The following CARMIL1 variants were observed in gnomAD, a reference collection of about 807,000 sequenced individuals.
CARMIL1 encodes F-actin-uncapping protein LRRC16A.
In CARMIL1, 90 loss-of-function variants were observed where a neutral mutation model predicts 177.1. The ratio of observed to expected loss-of-function variants is 0.51; its 90% CI spans 0.43 to 0.61. The LOEUF is 0.61. CARMIL1 is among the 20% of genes least tolerant of loss of function. The pLI is 0.00. For synonymous variants in CARMIL1, 577 were observed against 606.2 expected (o/e 0.95, Z 0.71); for missense variants, 1,380 against 1,667.0 (o/e 0.83, Z 3.00).
chr6:25,611,487 G>A (rs185470450), intron 36 of CARMIL1, among the ~76,000 whole-genome samples: 60 of 152,264 alleles, frequency 3.9e-4, no homozygotes, highest in African/African-American at 1.4e-3. Context: ...CACCAAGTGC[G>A]TCTCCCATTC....
chr6:25,366,458 C>A (rs1789811332), intron 2 of CARMIL1, among the ~76,000 whole-genome samples: 1 of 151,898 alleles, frequency 6.6e-6, no homozygotes, highest in African/African-American at 2.4e-5. Flanking sequence ...CACCCTCACC[C>A]CATTCTGCTT....
chr6:25,468,373 A>G (rs1008724427), intron 9 of CARMIL1, among the ~76,000 whole-genome samples: 1 of 152,174 alleles, frequency 6.6e-6, no homozygotes, highest in Non-Finnish European at 1.5e-5. Flanking sequence ...TGCTGGCACC[A>G]GATAATGTAT....
intron 36 of CARMIL1, among the ~76,000 whole-genome samples, chr6:25,617,577 G>A (rs1399561494): frequency 1.3e-5 from 2 of 152,228 alleles, no homozygotes; most frequent in East Asian, 3.9e-4. Flanking sequence ...GTTTTAAAAC[G>A]ATGAAAAATA....
intron 2 of CARMIL1, among the ~76,000 whole-genome samples, chr6:25,389,428 G>C (rs1792522151): frequency 6.6e-6 from 1 of 152,122 alleles, no homozygotes; most frequent in African/African-American, 2.4e-5. Context: ...CTATCCTCCT[G>C]CCTCAGCCTC....
intron 2 of CARMIL1, among the ~76,000 whole-genome samples, chr6:25,362,957 C>T (rs565000868): frequency 2.6e-5 from 4 of 152,246 alleles, no homozygotes; most frequent in Admixed American, 1.3e-4. Context: ...ATTGTCTGAA[C>T]CTGGGAGGCG....
chr6:25,425,982 T>G (rs1037058764), intron 3 of CARMIL1, among the ~76,000 whole-genome samples: 1 of 152,080 alleles, frequency 6.6e-6, no homozygotes, highest in Non-Finnish European at 1.5e-5. Context: ...AGCTGAAGGT[T>G]TAGAAAGAAG....
At chr6:25,356,011 A>G (rs1367332211) in intron 2 of CARMIL1, among the ~76,000 whole-genome samples, 2 of 151,456 alleles carry the variant, frequency 1.3e-5, no homozygotes, top group Non-Finnish European at 2.9e-5. Flanking sequence ...AGTACAAGAA[A>G]GAGGTTTCTT....
chr6:25,519,401 T>C (rs1305669422), intron 22 of CARMIL1, among the ~76,000 whole-genome samples: 1 of 152,170 alleles, frequency 6.6e-6, no homozygotes, highest in Non-Finnish European at 1.5e-5. Context: ...GAGCAGGTGT[T>C]AATGGTCATC....
At chr6:25,542,461 T>C (rs1042469942) in intron 26 of CARMIL1, among the ~76,000 whole-genome samples, 1 of 152,220 alleles carries the variant, frequency 6.6e-6, no homozygotes, top group African/African-American at 2.4e-5. Flanking sequence ...GTGTTCTCCA[T>C]TCATCATCGC....
rs1338071771 is a variant in CARMIL1 at position 25,460,963 on chromosome 6, TTCCCTC to T, written c.615-4909_615-4904del. Among the ~76,000 whole-genome samples, 256 of 152,234 alleles carry T rather than the reference TTCCCTC, an allele frequency of 1.7e-3. 2 individuals are homozygous for T. The highest frequency in any genetic ancestry group is 5.9e-3 in the African/African-American group (246 of 41,550). On this transcript the variant is annotated intron_variant, in intron 8 of 36. Coordinates refer to ENST00000329474, the MANE Select transcript of CARMIL1 (RefSeq NM_017640.6). ...TACATGTATCAATTTTCAATCACCG[TTCCCTC>T]CTTCTCCGCTTGCCCCACCTGGTTA... is the stretch of plus-strand genomic sequence containing the variant.
At chr6:25,334,352 A>C (rs1454551108) in intron 2 of CARMIL1, among the ~76,000 whole-genome samples, 2 of 152,186 alleles carry the variant, frequency 1.3e-5, no homozygotes, top group African/African-American at 4.8e-5. Context: ...AGTTATGTGA[A>C]CTTGTACTCC....
chr6:25,391,713 A>C (rs1195263422), intron 2 of CARMIL1, among the ~76,000 whole-genome samples: 3 of 152,212 alleles, frequency 2.0e-5, no homozygotes, highest in African/African-American at 7.2e-5. Flanking sequence ...GGGCTCAAAA[A>C]AACTGCATAT....
chr6:25,605,886 C>T (rs1230029610), intron 34 of CARMIL1, among the ~76,000 whole-genome samples, 175 bp from the exon 35 acceptor site: 1 of 152,192 alleles, frequency 6.6e-6, no homozygotes, highest in East Asian at 1.9e-4. Context: ...CGTCACTCTT[C>T]CTCCAGCATG....
At chr6:25,601,487 A>T (rs1279736791) in intron 33 of CARMIL1, among the ~76,000 whole-genome samples, 2 of 152,220 alleles carry the variant, frequency 1.3e-5, no homozygotes, top group Non-Finnish European at 2.9e-5. Flanking sequence ...GGGAAATAAA[A>T]ACACTGAAAC....
At chr6:25,481,188 C>T (rs1802091653) in intron 11 of CARMIL1, among the ~76,000 whole-genome samples, 1 of 151,836 alleles carries the variant, frequency 6.6e-6, no homozygotes, top group African/African-American at 2.4e-5. Flanking sequence ...ATACTCAAGT[C>T]TCTAGAAATA....
chr6:25,291,735 C>G (rs1216557326), intron 2 of CARMIL1, among the ~76,000 whole-genome samples: 1 of 152,006 alleles, frequency 6.6e-6, no homozygotes, highest in Non-Finnish European at 1.5e-5. Flanking sequence ...TAGTGTAAAC[C>G]TAATCACTGA....
chr6:25,495,087 G>T, intron 15 of CARMIL1, 24 bp from the exon 16 acceptor site: 3 of 1,390,988 alleles, frequency 2.2e-6, no homozygotes, highest in Non-Finnish European at 3.1e-6. Context: ...GTAACCGCTT[G>T]TGTAACTCTT....
chr6:25,606,178 C>A lies in CARMIL1; in HGVS notation c.3752C>A (p.Thr1251Lys). Reference sequence around the variant, plus strand: ...TCCAGGTCTCGGAGCTCATCCAGCACACCTACGAGCCCGAAGCCCCTCCTG... The same window carrying A: ...TCCAGGTCTCGGAGCTCATCCAGCAAACCTACGAGCCCGAAGCCCCTCCTG... Reference protein sequence around the residue: ...AGSRSRSSSSTPTSPKPLLQS... With the variant: ...AGSRSRSSSSKPTSPKPLLQS... Residue 1251 changes from threonine to lysine, a missense_variant, in exon 35 of 37, where the codon ACA (threonine) becomes AAA (lysine). Transcript: ENST00000329474. The A allele has an allele frequency of 6.2e-7, 1 of 1,614,000 alleles. No homozygotes were observed. Among genetic ancestry groups the A allele is most frequent in the Non-Finnish European group, 8.5e-7 (1 of 1,179,896 alleles).
chr6:25,313,538 T>A (rs955761007), intron 2 of CARMIL1, among the ~76,000 whole-genome samples: 1 of 150,428 alleles, frequency 6.6e-6, no homozygotes, highest in Admixed American at 6.6e-5. Flanking sequence ...TACAACCTAT[T>A]TGGAGGGACT....
Sources: allele counts gnomAD v4.1 joint callset (sites outside exome capture counted in the v4.1 genomes callset), GRCh38; gene constraint gnomAD v4.1.1; transcripts MANE v1.5; gene names NCBI Gene and HGNC (gene_info 2026-07-23, HGNC 2026-07-21).